The following INTS6 variants were observed in gnomAD, a reference collection of about 807,000 sequenced individuals.
INTS6 encodes DEAD box protein.
INTS6 carries 16 observed loss-of-function variants against 104.9 expected under a neutral mutation model. That is an observed-to-expected ratio of 0.15 (90% CI 0.10 to 0.23). The LOEUF is 0.23. Among genes scored for constraint, INTS6 ranks in the 10% least tolerant of loss-of-function variants. The pLI is 1.00. For missense variants in INTS6, 584 were observed against 1,062.8 expected (o/e 0.55, Z 6.26); for synonymous variants, 324 against 358.7 (o/e 0.90, Z 1.09).
intron 4 of INTS6, among the ~76,000 whole-genome samples, chr13:51,424,548 C>T (rs982283605): frequency 1.3e-4 from 19 of 151,686 alleles, no homozygotes; most frequent in African/African-American, 4.1e-4. Context: ...GTAATAAATC[C>T]AGGGGTTGAG....
rs528690259 is a variant in INTS6, at chr13:51,362,866, A to G, written c.*2886T>C. ...GAGAAAGATATAAACCATTCACTAG[A>G]AAATAATCTATTTGGGATTATTTGG... On this transcript the variant is annotated 3_prime_UTR_variant, in exon 18 of 18. Coordinates refer to ENST00000311234, the MANE Select transcript of INTS6 (RefSeq NM_012141.3). 2.6e-5 allele frequency: 4 copies of G among 152,518 alleles called. No individual in the cohort carries two copies. Among genetic ancestry groups the G allele is most frequent in the East Asian group, 1.9e-4 (1 of 5,186 alleles). 9.4% of individuals were successfully genotyped at this position (152,518 alleles called of 1,614,324 possible).
intron 3 of INTS6, chr13:51,444,998 C>T (rs549192321): frequency 1.3e-5 from 2 of 152,104 alleles, no homozygotes; most frequent in Admixed American, 6.6e-5. Context: ...CCATTTTGTA[C>T]TACTTTGAGC....
intron 15 of INTS6, among the ~76,000 whole-genome samples, chr13:51,370,444 C>T (rs1955781290): frequency 6.6e-6 from 1 of 152,162 alleles, no homozygotes; most frequent in African/African-American, 2.4e-5. Flanking sequence ...GTCTCTGGCA[C>T]CCAGTTCATA....
chr13:51,370,445 CCA>C (rs1955781360), intron 15 of INTS6, among the ~76,000 whole-genome samples: 1 of 152,144 alleles, frequency 6.6e-6, no homozygotes, highest in African/African-American at 2.4e-5. Context: ...TCTCTGGCAC[CCA>C]GTTCATAGCC....
At chr13:51,432,466 A>C (rs1171885774) in intron 3 of INTS6, among the ~76,000 whole-genome samples, 1 of 152,152 alleles carries the variant, frequency 6.6e-6, no homozygotes, top group Non-Finnish European at 1.5e-5. Flanking sequence ...AAAAAAAAAA[A>C]AACACCATCT....
the INTS6 span, among the ~76,000 whole-genome samples, chr13:51,343,736 GC>G: frequency 6.6e-6 from 1 of 152,260 alleles, no homozygotes; most frequent in East Asian, 1.9e-4. Context: ...TGTTACTCAG[GC>G]TCATGACACG....
At chr13:51,405,440 T>C (rs777847643) in intron 4 of INTS6, among the ~76,000 whole-genome samples, 64 of 152,176 alleles carry the variant, frequency 4.2e-4, no homozygotes, top group Non-Finnish European at 7.2e-4. Context: ...ATTTTCTTCG[T>C]TCCCCAGTCC....
In INTS6 at chr13:51,391,012, T is replaced by C. The variant is rs573984140; in HGVS notation, c.614-1568A>G. 3.3e-4 allele frequency among the ~76,000 whole-genome samples: 51 copies of C among 152,268 alleles called. 4 individuals carry two copies. In the South Asian group the frequency reaches 0.011, roughly 32 times the overall value. On this transcript the variant is annotated intron_variant, in intron 5 of 17. Transcript: ENST00000311234. Reference sequence around the variant, plus strand: ...AACCCTTACAGTGTATCAGAAACTATTCTGGATATCCTTTGTCCCTTGGAA... The same window carrying C: ...AACCCTTACAGTGTATCAGAAACTACTCTGGATATCCTTTGTCCCTTGGAA...
chr13:51,383,012 C>T (rs755496324), intron 9 of INTS6, among the ~76,000 whole-genome samples: 14 of 151,350 alleles, frequency 9.3e-5, no homozygotes, highest in Non-Finnish European at 1.9e-4. Flanking sequence ...ACCTGGGAGA[C>T]GGAGGTTGCA....
chr13:51,359,286 C>T (rs1410841162), downstream of INTS6, among the ~76,000 whole-genome samples: 1 of 152,024 alleles, frequency 6.6e-6, no homozygotes, highest in Non-Finnish European at 1.5e-5. Context: ...ATCTGTAATA[C>T]AAGATCAAGT....
rs1956006122 is a variant in INTS6 at position 51,379,631 on chromosome 13, T to C, written c.1276-59A>G. On this transcript the variant is annotated intron_variant, in intron 10 of 17. Coordinates refer to ENST00000311234, the MANE Select transcript of INTS6 (RefSeq NM_012141.3). ...AGCTTATTAAAAACTTATGGTTCCA[T>C]GTATAGTCTGTCTTAAAATTTTCTC... 4 of 922,624 alleles carry C rather than the reference T, an allele frequency of 4.3e-6. No homozygotes were observed. The Admixed American group carries it at 8.0e-5, about 18-fold the overall frequency. The allele number at this position is 922,624 out of a possible 1,614,324, so 57.2% of individuals were successfully genotyped here.
chr13:51,347,329 G>C, the INTS6 span: 1 of 1,087,754 alleles, frequency 9.2e-7, no homozygotes, highest in South Asian at 1.4e-5. Context: ...TAAGGGATCG[G>C]GATGTGTTTC....
intron 4 of INTS6, among the ~76,000 whole-genome samples, chr13:51,406,487 G>A (rs888717124): frequency 6.6e-6 from 1 of 151,976 alleles, no homozygotes; most frequent in African/African-American, 2.4e-5. Context: ...ACCCCCAACT[G>A]CATTATATGT....
chr13:51,433,442 C>T (rs1957134302), intron 3 of INTS6, among the ~76,000 whole-genome samples: 2 of 152,030 alleles, frequency 1.3e-5, no homozygotes, highest in Admixed American at 6.6e-5. Context: ...AGTGAGACTC[C>T]GTCTCAAAAA....
chr13:51,451,859 T>G (rs1417293518), intron 2 of INTS6, 119 bp downstream of exon 2: 1 of 482,512 alleles, frequency 2.1e-6, no homozygotes, highest in Non-Finnish European at 3.4e-6. Flanking sequence ...CCTCAGCGGC[T>G]GGGAGCGCAG....
At chr13:51,434,466 T>C (rs1366324570) in intron 3 of INTS6, among the ~76,000 whole-genome samples, 1 of 152,140 alleles carries the variant, frequency 6.6e-6, no homozygotes, top group Non-Finnish European at 1.5e-5. Context: ...ATCCTCATTG[T>C]ACCAATTATC....
At chr13:51,414,491 C>T (rs138485076) in intron 4 of INTS6, among the ~76,000 whole-genome samples, 2 of 152,070 alleles carry the variant, frequency 1.3e-5, no homozygotes, top group Non-Finnish European at 2.9e-5. Flanking sequence ...AGGAAAGCAC[C>T]CATTCTAATC....
chr13:51,452,234 C>T lies in INTS6; in HGVS notation c.112-179G>A. 1 of 670,012 alleles carries T rather than the reference C, an allele frequency of 1.5e-6. No homozygotes were observed. The allele number at this position is 670,012 out of a possible 1,614,324, so 41.5% of individuals were successfully genotyped here. ...CCCACACACCGCCCGGGGCCGGAGCCCGGGCCCCGGCCGAACCCGGCTCGC... is the reference window on the plus strand; with the variant it reads ...CCCACACACCGCCCGGGGCCGGAGCTCGGGCCCCGGCCGAACCCGGCTCGC... On this transcript the variant is annotated intron_variant, in intron 1 of 17. Transcript: ENST00000311234. The surrounding 1 kb of genome is among the most constrained non-coding windows in gnomAD (Gnocchi z 4.2).
chr13:51,374,601 A>G (rs1955879630), intron 14 of INTS6, 53 bp downstream of exon 14: 5 of 1,596,740 alleles, frequency 3.1e-6, no homozygotes, highest in Non-Finnish European at 4.3e-6. Context: ...AGAACTATAA[A>G]ACTGACAGTG....
Sources: allele counts gnomAD v4.1 joint callset (sites outside exome capture counted in the v4.1 genomes callset), GRCh38; gene constraint gnomAD v4.1.1; non-coding constraint Gnocchi (gnomAD v3.1); transcripts MANE v1.5; gene names NCBI Gene and HGNC (gene_info 2026-07-23, HGNC 2026-07-21).